Variants in CADPS2 observed in about 807,000 individuals in gnomAD.
The protein encoded by CADPS2 is calcium dependent secretion activator 2.
In CADPS2, 93 loss-of-function variants were observed where a neutral mutation model predicts 172.5. That is an observed-to-expected ratio of 0.54 (90% CI 0.46 to 0.64). The LOEUF (loss-of-function observed/expected upper bound fraction) is 0.64. Among genes scored for constraint, CADPS2 ranks in the 30% least tolerant of loss-of-function variants. The pLI is 0.00. For missense variants in CADPS2, 1,420 were observed against 1,565.9 expected (o/e 0.91, Z 1.57); for synonymous variants, 546 against 555.2 (o/e 0.98, Z 0.23).
intron 6 of CADPS2, among the ~76,000 whole-genome samples, chr7:122,601,328 G>A (rs1345909581): frequency 6.6e-6 from 1 of 151,998 alleles, no homozygotes; most frequent in African/African-American, 2.4e-5. Context: ...AACACAGTGA[G>A]AATTTCACAG....
chr7:122,809,165 A>G (rs910141269), intron 1 of CADPS2, among the ~76,000 whole-genome samples: 8 of 152,170 alleles, frequency 5.3e-5, no homozygotes, highest in African/African-American at 7.2e-5. Context: ...TTAAAATACC[A>G]AAATGGCAAA....
At position 122,592,424 on chromosome 7, in the gene CADPS2, G is replaced by C. The variant is rs570247685; in HGVS notation, c.1224-11134C>G. On this transcript the variant is annotated intron_variant, in intron 6 of 29. Transcript: ENST00000449022. Reference sequence around the variant, plus strand: ...ACTAGTTCAACCATTGTGGAAGACAGTGTGGCAATTCCTCAGGGATCTAGA... The same window carrying C: ...ACTAGTTCAACCATTGTGGAAGACACTGTGGCAATTCCTCAGGGATCTAGA... Among the ~76,000 whole-genome samples the C allele has an allele frequency of 3.3e-5, 5 of 152,228 alleles. No individual in the cohort carries two copies. In the East Asian group the frequency reaches 7.7e-4, roughly 24 times the overall value.
At chr7:122,734,731 T>C (rs993984313) in intron 2 of CADPS2, among the ~76,000 whole-genome samples, 1 of 152,148 alleles carries the variant, frequency 6.6e-6, no homozygotes, top group African/African-American at 2.4e-5. Context: ...AATTTATTTA[T>C]TCATTCAAGA....
In CADPS2 at chr7:122,325,473, T is replaced by G. The variant is rs1168986622; in HGVS notation, c.3717+4A>C. 3.8e-6 allele frequency: 6 copies of G among 1,588,980 alleles called. No homozygotes were observed. The highest frequency in any genetic ancestry group is 5.2e-6 in the Non-Finnish European group (6 of 1,161,880). ...CAATTCATATCTAAACACATTTTGT[T>G]TACCTTCACAATCTTGATGAGCGTC... On this transcript the variant is annotated splice_donor_region_variant and intron_variant, in intron 29 of 29. Coordinates refer to ENST00000449022, the MANE Select transcript of CADPS2 (RefSeq NM_017954.11).
At chr7:122,671,091 G>A (rs536212732) in intron 2 of CADPS2, among the ~76,000 whole-genome samples, 4 of 152,178 alleles carry the variant, frequency 2.6e-5, no homozygotes, top group Middle Eastern at 3.4e-3. Flanking sequence ...ATCCTGTATC[G>A]TACGCTGTTA....
intron 11 of CADPS2, among the ~76,000 whole-genome samples, chr7:122,483,332 C>G (rs2057486783): frequency 6.6e-6 from 1 of 151,950 alleles, no homozygotes; most frequent in Admixed American, 6.6e-5. Context: ...CAAATGCAAG[C>G]TAGAAGAAAG....
chr7:122,597,578 A>G (rs939836401), intron 6 of CADPS2, among the ~76,000 whole-genome samples: 2 of 152,130 alleles, frequency 1.3e-5, no homozygotes, highest in African/African-American at 4.8e-5. Flanking sequence ...TTAAGTAGAA[A>G]CCATAGTTTT....
At chr7:122,492,186 GAATA>G (rs1040590713) in intron 9 of CADPS2, among the ~76,000 whole-genome samples, 18 of 151,274 alleles carry the variant, frequency 1.2e-4, no homozygotes, top group African/African-American at 3.6e-4. Context: ...ATAAATAAAT[GAATA>G]AATAAATAAA....
chr7:122,337,883 A>G (rs1284523288), intron 28 of CADPS2, among the ~76,000 whole-genome samples: 4 of 152,218 alleles, frequency 2.6e-5, no homozygotes, highest in African/African-American at 9.6e-5. Flanking sequence ...TGTGAGTCCA[A>G]ATACCATAAG....
rs569069106 is a variant in CADPS2, at chr7:122,561,605, T to C, written c.1336-6916A>G. On this transcript the variant is annotated intron_variant, in intron 7 of 29. Coordinates refer to ENST00000449022, the MANE Select transcript of CADPS2 (RefSeq NM_017954.11). ...GCAAGCCGTTAGTAGTCTACGCTCC[T>C]TGAGAGCAAGAGCTATTGTGTAGTA... 2.6e-5 allele frequency among the ~76,000 whole-genome samples: 4 copies of C among 152,264 alleles called. No homozygotes were observed. In the South Asian group the frequency reaches 8.3e-4, roughly 32 times the overall value.
chr7:122,679,344 C>G (rs1370057353), intron 2 of CADPS2, among the ~76,000 whole-genome samples: 1 of 142,142 alleles, frequency 7.0e-6, no homozygotes, highest in African/African-American at 2.6e-5. Flanking sequence ...ACATGCCCTA[C>G]TCTCCTGCAG....
At chr7:122,771,222 CT>C (rs1259620708) in intron 1 of CADPS2, among the ~76,000 whole-genome samples, 1 of 152,138 alleles carries the variant, frequency 6.6e-6, no homozygotes, top group Admixed American at 6.5e-5. Context: ...GCTTAAAATA[CT>C]TTATCATATG....
chr7:122,572,130 A>AT (rs1472162573), intron 7 of CADPS2, among the ~76,000 whole-genome samples: 1 of 152,152 alleles, frequency 6.6e-6, no homozygotes, highest in African/African-American at 2.4e-5. Flanking sequence ...TTAATGGCTA[A>AT]TTTTATTGAA....
intron 3 of CADPS2, among the ~76,000 whole-genome samples, chr7:122,638,386 T>C (rs2077277358): frequency 6.6e-6 from 1 of 152,102 alleles, no homozygotes; most frequent in Non-Finnish European, 1.5e-5. Flanking sequence ...CCTGCCCAGT[T>C]AGGAGCAGGA....
chr7:122,694,544 G>T (rs755350334), intron 2 of CADPS2, among the ~76,000 whole-genome samples: 9 of 152,126 alleles, frequency 5.9e-5, no homozygotes, highest in Non-Finnish European at 1.3e-4. Flanking sequence ...CCATAATTGT[G>T]GAGAGAGGGG....
chr7:122,746,713 T>C (rs762355054), intron 1 of CADPS2, among the ~76,000 whole-genome samples: 2 of 152,118 alleles, frequency 1.3e-5, no homozygotes, highest in Non-Finnish European at 2.9e-5. Context: ...AAAGTCATCC[T>C]GGGCTGCATA....
At chr7:122,493,411 C>T (rs777895200) in intron 9 of CADPS2, among the ~76,000 whole-genome samples, 3 of 152,118 alleles carry the variant, frequency 2.0e-5, no homozygotes, top group Non-Finnish European at 4.4e-5. Context: ...CTCTGCTCTT[C>T]TACAAAGTAA....
At chr7:122,728,721 TTTTA>T (rs1473473055) in intron 2 of CADPS2, among the ~76,000 whole-genome samples, 1 of 151,756 alleles carries the variant, frequency 6.6e-6, no homozygotes, top group Non-Finnish European at 1.5e-5. Flanking sequence ...TTTTTTTCAA[TTTTA>T]TTTATTTTAA....
chr7:122,659,310 T>TAAA (rs34582432), intron 3 of CADPS2, among the ~76,000 whole-genome samples: 15,623 of 128,996 alleles, frequency 0.12, 1,339 homozygotes, highest in South Asian at 0.28. Context: ...ATGCTAGACA[T>TAAA]AAAAAAAAAA....
Sources: gnomAD v4.1 joint callset for allele counts (sites outside exome capture counted in the v4.1 genomes callset) on GRCh38, gnomAD v4.1.1 for gene constraint, MANE v1.5 for transcripts, NCBI Gene and HGNC (gene_info 2026-07-23, HGNC 2026-07-21) for gene names.